Variants in CEP85L observed in about 807,000 individuals in gnomAD.
The protein encoded by CEP85L is centrosomal protein of 85 kDa-like.
In CEP85L, 60 loss-of-function variants were observed where a neutral mutation model predicts 100.3. That is an observed-to-expected ratio of 0.60 (90% confidence interval 0.49 to 0.74). CEP85L has a LOEUF of 0.74. Ranked by LOEUF, CEP85L falls within the 30% of genes least tolerant of loss-of-function variation. The pLI, the probability that CEP85L is intolerant of heterozygous loss-of-function variation, is 0.00. For synonymous variants in CEP85L, 319 were observed against 322.7 expected (o/e 0.99, Z 0.12); for missense variants, 973 against 936.2 (o/e 1.04, Z -0.51).
intron 2 of CEP85L, among the ~76,000 whole-genome samples, chr6:118,610,105 C>A (rs2115221033): frequency 6.6e-6 from 1 of 152,112 alleles, no homozygotes; most frequent in African/African-American, 2.4e-5. Flanking sequence ...TAAATCATCA[C>A]CACACATAGA....
chr6:118,600,306 T>TGTGTGG (rs1781695765), intron 2 of CEP85L, among the ~76,000 whole-genome samples: 1 of 41,106 alleles, frequency 2.4e-5, no homozygotes. Context: ...TGGGGGTGTG[T>TGTGTGG]GTGTGTGTGT....
intron 2 of CEP85L, among the ~76,000 whole-genome samples, chr6:118,592,615 A>G (rs1781254806): frequency 6.6e-6 from 1 of 152,182 alleles, no homozygotes; most frequent in African/African-American, 2.4e-5. Context: ...AAAAAGCAGA[A>G]CAGGCTAGAA....
At chr6:118,638,068 C>T (rs1400823300) in intron 1 of CEP85L, among the ~76,000 whole-genome samples, 2 of 151,982 alleles carry the variant, frequency 1.3e-5, no homozygotes, top group East Asian at 1.9e-4. Flanking sequence ...ATTACAAAAA[C>T]ACAACCTTTT....
intron 2 of CEP85L, among the ~76,000 whole-genome samples, chr6:118,614,565 C>T (rs748216634): frequency 3.3e-5 from 5 of 152,120 alleles, no homozygotes; most frequent in Admixed American, 6.5e-5. Context: ...CAAATGTGGC[C>T]GGGCGCAGTG....
intron 2 of CEP85L, among the ~76,000 whole-genome samples, chr6:118,585,970 G>A (rs1469354244): frequency 6.6e-6 from 1 of 152,054 alleles, no homozygotes; most frequent in East Asian, 1.9e-4. Context: ...AAGCCTCTGA[G>A]GTAATAAAAG....
intron 2 of CEP85L, among the ~76,000 whole-genome samples, chr6:118,607,340 G>A (rs1171117329): frequency 6.6e-6 from 1 of 152,126 alleles, no homozygotes; most frequent in Non-Finnish European, 1.5e-5. Context: ...AGCTTAGGGA[G>A]GCCAGAGAAA....
chr6:118,519,050 T>C (rs2114757888), intron 4 of CEP85L, among the ~76,000 whole-genome samples: 1 of 152,242 alleles, frequency 6.6e-6, no homozygotes, highest in Admixed American at 6.5e-5. Flanking sequence ...TTTGAGTGAG[T>C]TTCTTAATCC....
At chr6:118,630,769 G>A (rs556410763) in intron 2 of CEP85L, among the ~76,000 whole-genome samples, 34 of 152,342 alleles carry the variant, frequency 2.2e-4, no homozygotes, top group African/African-American at 8.2e-4. Context: ...GGCCTGTTGG[G>A]AGCCCAGCTG....
chr6:118,583,776 C>G (rs1780707543), intron 2 of CEP85L, among the ~76,000 whole-genome samples: 1 of 152,160 alleles, frequency 6.6e-6, no homozygotes, highest in Non-Finnish European at 1.5e-5. Flanking sequence ...CTGCAACACC[C>G]CAATATTAGG....
intron 10 of CEP85L, among the ~76,000 whole-genome samples, chr6:118,476,070 C>T (rs970670815): frequency 2.0e-5 from 3 of 152,110 alleles, no homozygotes; most frequent in African/African-American, 7.2e-5. Flanking sequence ...CTATTCGCAG[C>T]GCTAACAGGC....
intron 1 of CEP85L, among the ~76,000 whole-genome samples, chr6:118,646,390 T>C (rs1429441763): frequency 6.6e-6 from 1 of 151,914 alleles, no homozygotes; most frequent in Admixed American, 6.6e-5. Flanking sequence ...AAAAATTGGC[T>C]GGGTGCAGTG....
chr6:118,507,300 C>G (rs1302109752), intron 5 of CEP85L, among the ~76,000 whole-genome samples: 2 of 152,200 alleles, frequency 1.3e-5, no homozygotes, highest in African/African-American at 2.4e-5. Context: ...CTTGGTCATA[C>G]AGATGTTTAA....
At chr6:118,652,270 C>T, upstream of CEP85L, 1 of 407,458 alleles carries the variant, frequency 2.5e-6, no homozygotes, top group Non-Finnish European at 3.3e-6. Context: ...GAGCCCTTTC[C>T]TCCTTGCCCC....
At chr6:118,539,963 C>T (rs184096877) in intron 3 of CEP85L, among the ~76,000 whole-genome samples, 2 of 151,800 alleles carry the variant, frequency 1.3e-5, no homozygotes, top group African/African-American at 4.8e-5. Flanking sequence ...ACAATAATCT[C>T]ATGGTGAAAC....
chr6:118,567,739 T>C (rs1257785686), intron 2 of CEP85L, among the ~76,000 whole-genome samples: 1 of 152,156 alleles, frequency 6.6e-6, no homozygotes. Context: ...AAAGTTATGT[T>C]GATAAAGTTG....
chr6:118,702,823 C>T (rs1191619030), intron 1 of CEP85L, among the ~76,000 whole-genome samples: 2 of 151,930 alleles, frequency 1.3e-5, no homozygotes, highest in Non-Finnish European at 2.9e-5. Flanking sequence ...GGTGAAACCC[C>T]GTCACTACTA....
At chr6:118,683,744 AAACATGATC>A (rs1359507574) in intron 1 of CEP85L, among the ~76,000 whole-genome samples, 1 of 152,244 alleles carries the variant, frequency 6.6e-6, no homozygotes, top group East Asian at 1.9e-4. Flanking sequence ...CAGGAATCAA[AAACATGATC>A]AACTCTGTAA....
intron 2 of CEP85L, among the ~76,000 whole-genome samples, chr6:118,591,808 C>T (rs955223959): frequency 1.3e-5 from 2 of 152,070 alleles, no homozygotes; most frequent in Non-Finnish European, 2.9e-5. Context: ...TTCAAAGCAC[C>T]AAGAACCTGG....
intron 2 of CEP85L, 150 bp downstream of exon 2, chr6:118,632,303 T>C (rs1774217482): frequency 3.1e-6 from 2 of 651,116 alleles, no homozygotes; most frequent in South Asian, 3.2e-5. Flanking sequence ...AGAGGGACAA[T>C]TTTATTTGAT....
Sources: allele counts gnomAD v4.1 joint callset (sites outside exome capture counted in the v4.1 genomes callset), GRCh38; gene constraint gnomAD v4.1.1; transcripts MANE v1.5; gene names NCBI Gene and HGNC (gene_info 2026-07-23, HGNC 2026-07-21).